Variants in SCAF4 observed in about 807,000 individuals in gnomAD.
The protein encoded by SCAF4 is SR-related and CTD-associated factor 4.
In SCAF4, 25 loss-of-function variants were observed where a neutral mutation model predicts 129.8. The ratio of observed to expected loss-of-function variants is 0.19; its 90% CI spans 0.14 to 0.27. SCAF4 has a LOEUF of 0.27. SCAF4 is among the 10% of genes least tolerant of loss of function. The probability of loss-of-function intolerance (pLI) is 1.00; values close to 1 mark genes in which losing one functional copy is unlikely to be tolerated. For synonymous variants in SCAF4, 551 were observed against 497.7 expected, an observed-to-expected ratio of 1.11 and a Z score of -1.43; for missense variants, 1,246 against 1,457.1, an observed-to-expected ratio of 0.86 and a Z score of 2.36.
chr21:31,709,350 C>CAAAAAAAAAAAA (rs376581889), intron 1 of SCAF4, among the ~76,000 whole-genome samples: 2 of 117,802 alleles, frequency 1.7e-5, no homozygotes, highest in East Asian at 2.3e-4. Context: ...CTGAAACTGT[C>CAAAAAAAAAAAA]AAAAAAAAAA....
intron 7 of SCAF4, among the ~76,000 whole-genome samples, chr21:31,698,746 A>G (rs2050448615): frequency 6.6e-6 from 1 of 152,244 alleles, no homozygotes; most frequent in African/African-American, 2.4e-5. Flanking sequence ...AGTGCAACAG[A>G]GAAACCCTGG....
At chr21:31,682,215 C>A (rs2050011955) in intron 19 of SCAF4, among the ~76,000 whole-genome samples, 1 of 151,984 alleles carries the variant, frequency 6.6e-6, no homozygotes, top group African/African-American at 2.4e-5. Context: ...CCTGTCTCTA[C>A]TAAAAATAGA....
chr21:31,696,312 C>G (rs967851634), intron 8 of SCAF4, 91 bp from the exon 9 acceptor site: 1 of 958,356 alleles, frequency 1.0e-6, no homozygotes, highest in Non-Finnish European at 1.6e-6. Flanking sequence ...GTTCATGAGT[C>G]ATTAACATTT....
intron 19 of SCAF4, among the ~76,000 whole-genome samples, chr21:31,675,444 G>A (rs574981278): frequency 1.6e-4 from 25 of 152,298 alleles, no homozygotes; most frequent in Non-Finnish European, 2.4e-4. Flanking sequence ...GAAGTGAGAG[G>A]TGCTAGAGAT....
intron 1 of SCAF4, 29 bp downstream of exon 1, chr21:31,731,634 G>A (rs1242788789): frequency 3.8e-6 from 6 of 1,586,746 alleles, no homozygotes; most frequent in East Asian, 2.4e-5. Flanking sequence ...CAGCAGGCCC[G>A]GCACCCCCCT....
chr21:31,725,956 C>T (rs2051192215), intron 1 of SCAF4, among the ~76,000 whole-genome samples: 1 of 151,640 alleles, frequency 6.6e-6, no homozygotes, highest in African/African-American at 2.4e-5. Context: ...AATTAATAAA[C>T]ACTTGCATTT....
chr21:31,701,028 G>C lies in SCAF4; in HGVS notation c.744C>G (p.Phe248Leu), dbSNP rs1284440999. ...PTQPSEQKAAFPPPEQKTAFD... is the reference protein window; with the variant it reads ...PTQPSEQKAALPPPEQKTAFD... ...ATGCAGTTTTCTGTTCAGGTGGGGG[G>C]AAAGCAGCTTTTTGTTCAGATGGTT... The change falls in exon 7 of 20, where the codon TTC (phenylalanine) becomes TTG (leucine). Residue 248 changes from phenylalanine to leucine, a missense_variant. Physicochemically the swap from Phe to Leu is conservative, Grantham distance 22 (BLOSUM62 0). This residue lies in a region of SCAF4 where 143 missense variants were observed against 161.0 expected (regional missense o/e 0.89). Coordinates refer to ENST00000286835, the MANE Select transcript of SCAF4 (RefSeq NM_020706.2). 6.2e-7 allele frequency: 1 copy of C among 1,613,968 alleles called. No homozygotes were observed. Among genetic ancestry groups the C allele is most frequent in the Non-Finnish European group, 8.5e-7 (1 of 1,180,008 alleles).
intron 1 of SCAF4, among the ~76,000 whole-genome samples, chr21:31,716,600 A>C (rs1410515538): frequency 6.6e-6 from 1 of 152,148 alleles, no homozygotes; most frequent in East Asian, 1.9e-4. Context: ...TTCTTAACAA[A>C]AGATAATTTT....
intron 16 of SCAF4, among the ~76,000 whole-genome samples, chr21:31,688,030 C>T (rs577256709): frequency 6.1e-5 from 8 of 132,170 alleles, no homozygotes; most frequent in African/African-American, 1.7e-4. Flanking sequence ...GCAAGAGGGT[C>T]GGCTTGAATC....
chr21:31,691,004 G>A, intron 14 of SCAF4, 51 bp from the exon 15 acceptor site: 1 of 1,481,074 alleles, frequency 6.8e-7, no homozygotes, highest in East Asian at 2.3e-5. Context: ...AAGGTCGTAA[G>A]TCTTGAGGGT....
At chr21:31,673,639 C>G (rs145256661) in intron 19 of SCAF4, among the ~76,000 whole-genome samples, 17 of 152,356 alleles carry the variant, frequency 1.1e-4, no homozygotes, top group African/African-American at 3.6e-4. Context: ...CTCTTCACAT[C>G]ATTTGGGAAA....
At chr21:31,673,154 T>A (rs1235934376) in intron 19 of SCAF4, among the ~76,000 whole-genome samples, 1 of 152,174 alleles carries the variant, frequency 6.6e-6, no homozygotes, top group Non-Finnish European at 1.5e-5. Flanking sequence ...TATTTTCCTA[T>A]CTACATGAGG....
intron 1 of SCAF4, among the ~76,000 whole-genome samples, chr21:31,709,600 A>G (rs1460375719): frequency 1.3e-5 from 2 of 152,182 alleles, no homozygotes; most frequent in Non-Finnish European, 2.9e-5. Flanking sequence ...TTAAAAAATT[A>G]AAAGTAAAGA....
intron 19 of SCAF4, among the ~76,000 whole-genome samples, chr21:31,681,988 T>C (rs1417324669): frequency 6.6e-6 from 1 of 152,172 alleles, no homozygotes; most frequent in Non-Finnish European, 1.5e-5. Flanking sequence ...CTGGAAAAAC[T>C]ACAGATATCT....
At position 31,678,900 on chromosome 21, in the gene SCAF4, G is replaced by A. The variant is rs551672933; in HGVS notation, c.2488+6149C>T. ...TCTGCGAAAATATAAACTCCAGAAA[G>A]ACAGGTTTTGTTTTGTTCATTCTGG... On this transcript the variant is annotated intron_variant, in intron 19 of 19. Coordinates refer to ENST00000286835, the MANE Select transcript of SCAF4 (RefSeq NM_020706.2). 6.6e-5 allele frequency among the ~76,000 whole-genome samples: 10 copies of A among 152,318 alleles called. No individual in the cohort carries two copies. In the East Asian group the frequency reaches 1.9e-3, roughly 29 times the overall value.
intron 5 of SCAF4, 140 bp downstream of exon 5, chr21:31,702,104 G>A: frequency 1.5e-6 from 2 of 1,331,124 alleles, no homozygotes; most frequent in South Asian, 2.6e-5. Flanking sequence ...TAGGAATTAT[G>A]GAAAGAAAAT....
At chr21:31,729,855 A>G (rs1212730412) in intron 1 of SCAF4, among the ~76,000 whole-genome samples, 2 of 152,210 alleles carry the variant, frequency 1.3e-5, no homozygotes, top group Non-Finnish European at 2.9e-5. Context: ...TGGTTTTTCA[A>G]AGTAAAAATT....
At position 31,730,932 on chromosome 21, in the gene SCAF4, G is replaced by A. The variant is rs754990761; in HGVS notation, c.30+731C>T. Among the ~76,000 whole-genome samples, 3 of 152,172 alleles carry A rather than the reference G, an allele frequency of 2.0e-5. No individual in the cohort carries two copies. In the South Asian group the frequency reaches 6.2e-4, roughly 32 times the overall value. On this transcript the variant is annotated intron_variant, in intron 1 of 19. Transcript: ENST00000286835. ...CGAGGGTAGGGAACTGGAGGACAACGCCAGCTTTCTAGCGGACTAAGGCGG... is the reference window on the plus strand; with the variant it reads ...CGAGGGTAGGGAACTGGAGGACAACACCAGCTTTCTAGCGGACTAAGGCGG...
In SCAF4 at chr21:31,678,271, T is replaced by C. The variant is rs879228321; in HGVS notation, c.2489-5917A>G. On this transcript the variant is annotated intron_variant, in intron 19 of 19. Coordinates refer to ENST00000286835, the MANE Select transcript of SCAF4 (RefSeq NM_020706.2). ...GCGCATCACAGGAATGGCAATTACA[T>C]CTACCAGTTGCTCACATAAAAAACG... 2.6e-5 allele frequency among the ~76,000 whole-genome samples: 4 copies of C among 152,328 alleles called. No homozygotes were observed. In the South Asian group the frequency reaches 6.2e-4, roughly 24 times the overall value.
Sources: gnomAD v4.1 joint callset for allele counts (sites outside exome capture counted in the v4.1 genomes callset) on GRCh38, gnomAD v4.1.1 for gene constraint, gnomAD v4.1.1 regional missense constraint, MANE v1.5 for transcripts, NCBI Gene and HGNC (gene_info 2026-07-23, HGNC 2026-07-21) for gene names.